Variants in GTF2IRD2 observed in about 807,000 individuals in gnomAD.
GTF2IRD2 encodes general transcription factor II-I repeat domain-containing protein 2A.
A neutral mutation model predicts 49.2 loss-of-function variants in GTF2IRD2; 8 were observed. The ratio of observed to expected loss-of-function variants is 0.16; its 90% CI spans 0.10 to 0.29. The LOEUF (loss-of-function observed/expected upper bound fraction) is 0.29. Ranked by LOEUF, GTF2IRD2 falls within the 10% of genes least tolerant of loss-of-function variation. The pLI is 1.00. For synonymous variants in GTF2IRD2, 47 were observed against 289.7 expected, an observed-to-expected ratio of 0.16 and a Z score of 8.51; for missense variants, 130 against 725.7, an observed-to-expected ratio of 0.18 and a Z score of 9.43.
intron 15 of GTF2IRD2, among the ~76,000 whole-genome samples, chr7:74,800,304 C>T (rs1456151777): frequency 7.0e-6 from 1 of 143,654 alleles, no homozygotes; most frequent in African/African-American, 2.6e-5. Flanking sequence ...CCCCCGACTC[C>T]CTGGTTCAAG....
intron 12 of GTF2IRD2, among the ~76,000 whole-genome samples, chr7:74,806,390 A>G (rs1463175914): frequency 1.5e-5 from 2 of 131,046 alleles, no homozygotes; most frequent in African/African-American, 5.5e-5. Flanking sequence ...GCTCACTGCA[A>G]GCTCCACCTC....
chr7:74,841,577 T>C, intron 1 of GTF2IRD2, among the ~76,000 whole-genome samples: 1 of 138,848 alleles, frequency 7.2e-6, no homozygotes, highest in Non-Finnish European at 1.5e-5. Flanking sequence ...AAGCCATCCT[T>C]CCCCCTCATC....
intron 8 of GTF2IRD2, among the ~76,000 whole-genome samples, chr7:74,815,526 G>A: frequency 9.7e-6 from 1 of 102,760 alleles, no homozygotes; most frequent in Non-Finnish European, 2.1e-5. Context: ...CGAGGAGGGT[G>A]GATTACCTGA....
Position 74,842,734 on chromosome 7 carries a change from T to C in GTF2IRD2, c.-5-6351A>G, listed in dbSNP as rs587725919. Among the ~76,000 whole-genome samples, 26 of 144,008 alleles carry C rather than the reference T, an allele frequency of 1.8e-4. 1 individual carries two copies. The highest frequency in any genetic ancestry group is 1.8e-3 in the Admixed American group (26 of 14,444). 94.5% of individuals were successfully genotyped at this position (144,008 alleles called of 152,430 possible). ...CCACGACACTCAGCTAATTTTCTAT[T>C]TTTGTAAAGAGGTCTCACTATGTTG... On this transcript the variant is annotated intron_variant, in intron 1 of 15. Coordinates refer to ENST00000451013, the MANE Select transcript of GTF2IRD2 (RefSeq NM_173537.5).
At chr7:74,815,481 T>C in intron 8 of GTF2IRD2, among the ~76,000 whole-genome samples, 1 of 91,070 alleles carries the variant, frequency 1.1e-5, no homozygotes, top group Admixed American at 1.4e-4. Flanking sequence ...CCTGGTGCGG[T>C]GGCTCATGTC....
chr7:74,796,511 G>A lies in GTF2IRD2; in HGVS notation c.*151C>T, dbSNP rs1285487967. On this transcript the variant is annotated 3_prime_UTR_variant, in exon 16 of 16. Coordinates refer to ENST00000451013, the MANE Select transcript of GTF2IRD2 (RefSeq NM_173537.5). ...CAGGAGCTGGAAGTTGCAGTAAGCC[G>A]AGATCACGCCACTGCACTCCAACCT... 66 of 581,090 alleles carry A rather than the reference G, an allele frequency of 1.1e-4. No individual in the cohort carries two copies. In the African/African-American group the frequency reaches 1.2e-3, roughly 10 times the overall value. 36.0% of individuals were successfully genotyped at this position (581,090 alleles called of 1,614,324 possible).
intron 3 of GTF2IRD2, among the ~76,000 whole-genome samples, chr7:74,826,031 T>C (rs801018): frequency 0.67 from 100,397 of 149,440 alleles, 30,805 homozygotes; most frequent in East Asian, 0.9. Flanking sequence ...GTGATCCGCC[T>C]GCCTCGGCCT....
intron 3 of GTF2IRD2, among the ~76,000 whole-genome samples, chr7:74,825,757 T>C (rs1460887238): frequency 6.6e-6 from 1 of 152,216 alleles, no homozygotes; most frequent in African/African-American, 2.4e-5. Flanking sequence ...TGTTTTTTTT[T>C]TTGTATCAAT....
chr7:74,841,149 T>G (rs1385305345), intron 1 of GTF2IRD2, among the ~76,000 whole-genome samples: 1 of 142,436 alleles, frequency 7.0e-6, no homozygotes, highest in East Asian at 2.0e-4. Context: ...ATGCCCAGCC[T>G]TATTTTATAT....
Position 74,822,679 on chromosome 7 carries a change from C to T in GTF2IRD2, c.487G>A (p.Ala163Thr). 1.5e-6 allele frequency: 1 copy of T among 658,938 alleles called. No individual in the cohort carries two copies. Among genetic ancestry groups the T allele is most frequent in the Non-Finnish European group, 2.6e-6 (1 of 391,678 alleles). The allele number at this position is 658,938 out of a possible 1,614,324, so 40.8% of individuals were successfully genotyped here. Reference sequence around the variant, plus strand: ...TTCTCCAAAATCCATTTCAGGGTTGCAAGGTCGTAATTCTCAGGGTGTTGA... The same window carrying T: ...TTCTCCAAAATCCATTTCAGGGTTGTAAGGTCGTAATTCTCAGGGTGTTGA... ...AFQHPENYDL[A>T]TLKWILENKA... The change falls in exon 5 of 16, where the codon GCA (alanine) becomes ACA (threonine). Residue 163 changes from alanine (A) to threonine (T), a missense_variant. Transcript: ENST00000451013.
At chr7:74,836,810 C>G (rs1166341061) in intron 1 of GTF2IRD2, among the ~76,000 whole-genome samples, 2 of 151,144 alleles carry the variant, frequency 1.3e-5, no homozygotes, top group Non-Finnish European at 1.5e-5. Flanking sequence ...AAGCAATCTG[C>G]CTTCCTTGGC....
Position 74,798,130 on chromosome 7 carries a change from TTATA to T in GTF2IRD2, c.1378_1381del (p.Tyr460ThrfsTer2), listed in dbSNP as rs782768819. On this transcript the variant is annotated frameshift_variant, in exon 16 of 16. Coordinates refer to ENST00000451013, the MANE Select transcript of GTF2IRD2 (RefSeq NM_173537.5). LOFTEE classifies it high-confidence loss of function. ...ATTGGTTTGATAGTGGCGTCTTAGG[TTATA>T]TTCTTTGGACACAGACATGCTTTGT... 1 of 1,540,024 alleles carries T rather than the reference TTATA, an allele frequency of 6.5e-7. No homozygotes were observed. The highest frequency in any genetic ancestry group is 1.1e-5 in the South Asian group (1 of 89,036).
chr7:74,822,410 G>A lies in GTF2IRD2; in HGVS notation c.571+17C>T. On this transcript the variant is annotated intron_variant, in intron 6 of 15. Transcript: ENST00000451013. ...GCAGCTCAGAAGAGCCACCAAACCT[G>A]AGAAGCTGTCACTTACCCAGCTGAC... 2.8e-6 allele frequency: 2 copies of A among 716,244 alleles called. No individual in the cohort carries two copies. The highest frequency in any genetic ancestry group is 4.9e-6 in the Non-Finnish European group (2 of 410,736). 44.4% of individuals were successfully genotyped at this position (716,244 alleles called of 1,614,324 possible).
At chr7:74,819,075 C>G (rs587719972) in intron 8 of GTF2IRD2, 2 of 196,116 alleles carry the variant, frequency 1.0e-5, no homozygotes, top group Non-Finnish European at 2.1e-5. Context: ...CAGGCGCACA[C>G]GAACATGCCC....
rs1453572289 is a variant in GTF2IRD2, at chr7:74,824,756, G to A, written c.358+177C>T. ...AAAATACAAAAATTAGCTGGGTGTG[G>A]TGGCGGGCGCCTGTAATCCCAGCTA... is the stretch of plus-strand genomic sequence containing the variant. On this transcript the variant is annotated intron_variant, in intron 4 of 15. Coordinates refer to ENST00000451013, the MANE Select transcript of GTF2IRD2 (RefSeq NM_173537.5). Among the ~76,000 whole-genome samples, 2 of 37,142 alleles carry A rather than the reference G, an allele frequency of 5.4e-5. 1 individual carries two copies. The highest frequency in any genetic ancestry group is 8.8e-5 in the Non-Finnish European group (2 of 22,808). 24.4% of individuals were successfully genotyped at this position (37,142 alleles called of 152,430 possible).
rs587622765 is a variant in GTF2IRD2 at position 74,826,142 on chromosome 7, G to A, written c.239-1090C>T. Among the ~76,000 whole-genome samples, 362 of 150,560 alleles carry A rather than the reference G, an allele frequency of 2.4e-3. 3 individuals are homozygous for A. Among genetic ancestry groups the A allele is most frequent in the South Asian group, 0.023 (109 of 4,718 alleles). ...TGTTGGTGAAGTCTGGGGTTTTAGT[G>A]TACTCATCACCCAAATAATGTACAT... is the stretch of plus-strand genomic sequence containing the variant. On this transcript the variant is annotated intron_variant, in intron 3 of 15. Transcript: ENST00000451013.
At chr7:74,799,019 T>C (rs1481133215) in intron 15 of GTF2IRD2, 2 of 145,398 alleles carry the variant, frequency 1.4e-5, no homozygotes, top group African/African-American at 5.1e-5. Flanking sequence ...TTCTTTTTTT[T>C]TTTTTTTTGT....
Position 74,831,770 on chromosome 7 carries a change from C to T in GTF2IRD2, c.238+1035G>A, listed in dbSNP as rs1455959678. Among the ~76,000 whole-genome samples, 8 of 71,650 alleles carry T rather than the reference C, an allele frequency of 1.1e-4. No homozygotes were observed. The East Asian group carries it at 1.7e-3, about 15-fold the overall frequency. The allele number at this position is 71,650 out of a possible 152,430, so 47.0% of individuals were successfully genotyped here. A position where few individuals can be genotyped will look rare whatever the true frequency, so the allele number is the denominator to read the frequency against. ...ACGGCTCACTGCAGCCTTGACCTCC[C>T]GGGCTCAAGAGATCCTCTCACCTGA... On this transcript the variant is annotated intron_variant, in intron 3 of 15. Coordinates refer to ENST00000451013, the MANE Select transcript of GTF2IRD2 (RefSeq NM_173537.5).
Position 74,797,820 on chromosome 7 carries a change from G to A in GTF2IRD2, c.1692C>T (p.Ala564=), listed in dbSNP as rs145968247. 1,517 of 1,268,848 alleles carry A rather than the reference G, an allele frequency of 1.2e-3. 4 individuals are homozygous for A. Among genetic ancestry groups the A allele is most frequent in the Non-Finnish European group, 1.6e-3 (1,435 of 906,520 alleles). 78.6% of individuals were successfully genotyped at this position (1,268,848 alleles called of 1,614,324 possible). The change falls in exon 16 of 16, where the codon GCC becomes GCT. Residue 564 remains alanine, a synonymous_variant. Transcript: ENST00000451013. ...ITDINNTTQL[A]IFIRGVDENF... The stretch of plus-strand genomic sequence containing the variant: ...TCTCATCGACACCACGGATGAATAT[G>A]GCCAACTGGGTGGTATTATTTATAT...
Sources: gnomAD v4.1 joint callset for allele counts (sites outside exome capture counted in the v4.1 genomes callset) on GRCh38, gnomAD v4.1.1 for gene constraint, MANE v1.5 for transcripts, NCBI Gene and HGNC (gene_info 2026-07-23, HGNC 2026-07-21) for gene names.